The following GPC5 variants were observed in gnomAD, a reference collection of about 807,000 sequenced individuals.
GPC5 encodes the protein glypican 5.
A neutral mutation model predicts 53.9 loss-of-function variants in GPC5; 47 were observed. The observed-to-expected ratio is 0.87, with a 90% CI of 0.69 to 1.11. The LOEUF (loss-of-function observed/expected upper bound fraction) is 1.11. Ranked by LOEUF, GPC5 falls within the 50% of genes most tolerant of loss-of-function variation. GPC5 has a pLI of 0.00. For synonymous variants in GPC5, 286 were observed against 263.3 expected, an observed-to-expected ratio of 1.09 and a Z score of -0.84; for missense variants, 748 against 713.1, an observed-to-expected ratio of 1.05 and a Z score of -0.56.
chr13:92,646,859 A>G, intron 7 of GPC5, among the ~76,000 whole-genome samples: 1 of 102,582 alleles, frequency 9.7e-6, no homozygotes, highest in South Asian at 3.2e-4. Flanking sequence ...TATATATGTA[A>G]ACATATACAT....
chr13:91,720,827 GTCTT>G (rs1169569551), intron 3 of GPC5, among the ~76,000 whole-genome samples: 4 of 152,112 alleles, frequency 2.6e-5, no homozygotes, highest in African/African-American at 7.2e-5. Flanking sequence ...TCATGAATCT[GTCTT>G]TCTTTCACTT....
At chr13:91,731,132 C>T (rs931806660) in intron 4 of GPC5, among the ~76,000 whole-genome samples, 6 of 152,186 alleles carry the variant, frequency 3.9e-5, no homozygotes, top group African/African-American at 1.4e-4. Context: ...TTCCAACTGT[C>T]CTTACTAATT....
intron 5 of GPC5, among the ~76,000 whole-genome samples, chr13:91,761,441 G>C (rs1275392888): frequency 1.3e-5 from 2 of 151,856 alleles, no homozygotes; most frequent in African/African-American, 2.4e-5. Context: ...TATCTACCTG[G>C]AGATCCCACA....
intron 5 of GPC5, among the ~76,000 whole-genome samples, chr13:91,868,192 G>A (rs1482436449): frequency 6.6e-6 from 1 of 152,144 alleles, no homozygotes; most frequent in Non-Finnish European, 1.5e-5. Flanking sequence ...GTCATTCACT[G>A]GGGCAAAAGA....
At chr13:91,461,012 A>G (rs1881896007) in intron 2 of GPC5, among the ~76,000 whole-genome samples, 1 of 152,160 alleles carries the variant, frequency 6.6e-6, no homozygotes. Context: ...TATAGATGCT[A>G]TAGCTTTTAT....
chr13:91,912,351 C>CCAA (rs996615942), intron 6 of GPC5, among the ~76,000 whole-genome samples: 5 of 150,580 alleles, frequency 3.3e-5, no homozygotes, highest in African/African-American at 9.9e-5. Flanking sequence ...ACTCTGTCTC[C>CCAA]CAACAACAAC....
At chr13:91,900,119 T>A (rs575035847) in intron 5 of GPC5, among the ~76,000 whole-genome samples, 2 of 152,280 alleles carry the variant, frequency 1.3e-5, no homozygotes, top group South Asian at 4.1e-4. Context: ...TTTTTAAATA[T>A]GAAATTTAAT....
intron 4 of GPC5, among the ~76,000 whole-genome samples, chr13:91,747,067 G>A (rs1357989000): frequency 2.6e-5 from 4 of 152,148 alleles, no homozygotes; most frequent in African/African-American, 7.2e-5. Context: ...AGGTGGGAGG[G>A]ATGGAAAGAC....
intron 7 of GPC5, among the ~76,000 whole-genome samples, chr13:92,392,754 GC>G (rs1390851155): frequency 9.9e-5 from 15 of 152,092 alleles, no homozygotes; most frequent in Admixed American, 9.8e-4. Context: ...AACAGAGACT[GC>G]TCAAAAGAAG....
intron 7 of GPC5, among the ~76,000 whole-genome samples, chr13:92,445,291 G>T (rs1291934820): frequency 3.4e-5 from 4 of 116,552 alleles, no homozygotes; most frequent in Admixed American, 8.9e-5. Flanking sequence ...TTCTCTTTTT[G>T]TGATTTTTTT....
intron 7 of GPC5, among the ~76,000 whole-genome samples, chr13:92,342,757 A>G (rs1322964601): frequency 1.3e-5 from 2 of 152,142 alleles, no homozygotes; most frequent in African/African-American, 2.4e-5. Context: ...GGATTAAAAA[A>G]CTTTCATTAA....
At chr13:92,210,272 A>G (rs547456576) in intron 7 of GPC5, among the ~76,000 whole-genome samples, 77 of 152,284 alleles carry the variant, frequency 5.1e-4, no homozygotes, top group African/African-American at 1.8e-3. Flanking sequence ...AGTACCGTAA[A>G]GACTCAAAGT....
intron 7 of GPC5, among the ~76,000 whole-genome samples, chr13:92,556,783 T>C (rs560351310): frequency 6.6e-6 from 1 of 152,098 alleles, no homozygotes; most frequent in East Asian, 1.9e-4. Flanking sequence ...TCATATGTTC[T>C]TAAAACGGTG....
chr13:92,093,880 C>A (rs1349970296), intron 6 of GPC5, among the ~76,000 whole-genome samples: 1 of 152,094 alleles, frequency 6.6e-6, no homozygotes, highest in Admixed American at 6.5e-5. Context: ...TATTGGCCAT[C>A]AATTGGTTAG....
chr13:92,462,237 G>A (rs1182851074), intron 7 of GPC5, among the ~76,000 whole-genome samples: 1 of 152,150 alleles, frequency 6.6e-6, no homozygotes, highest in Non-Finnish European at 1.5e-5. Flanking sequence ...ACAGACTACA[G>A]GGTTCGAGGT....
chr13:91,507,072 T>G (rs1041503971), intron 2 of GPC5, among the ~76,000 whole-genome samples: 6 of 152,132 alleles, frequency 3.9e-5, no homozygotes, highest in Non-Finnish European at 8.8e-5. Context: ...TCTTAGTTTT[T>G]GGGGGCTGCT....
At chr13:92,644,484 C>T (rs1885700982) in intron 7 of GPC5, among the ~76,000 whole-genome samples, 1 of 152,102 alleles carries the variant, frequency 6.6e-6, no homozygotes, top group African/African-American at 2.4e-5. Flanking sequence ...TTCCCTAAGA[C>T]ATAATGCCAT....
At chr13:92,421,965 T>C (rs1338638072) in intron 7 of GPC5, among the ~76,000 whole-genome samples, 1 of 152,062 alleles carries the variant, frequency 6.6e-6, no homozygotes, top group East Asian at 1.9e-4. Context: ...GTATTTGACT[T>C]CCTGGAGGTC....
chr13:91,609,146 T>G (rs2033468715), intron 2 of GPC5, among the ~76,000 whole-genome samples: 1 of 150,742 alleles, frequency 6.6e-6, no homozygotes, highest in Admixed American at 6.7e-5. Context: ...GTTCTATCAC[T>G]GCAAATTCCA....
Sources: allele counts gnomAD v4.1 joint callset (sites outside exome capture counted in the v4.1 genomes callset), GRCh38; gene constraint gnomAD v4.1.1; transcripts MANE v1.5; gene names NCBI Gene and HGNC (gene_info 2026-07-23, HGNC 2026-07-21).